Variants in CA10 observed in about 807,000 individuals in gnomAD.
CA10 encodes the protein carbonic anhydrase-related protein 10.
Under a neutral mutation model 44.2 loss-of-function variants are expected in CA10, and 14 were observed. The ratio of observed to expected loss-of-function variants is 0.32; its 90% CI spans 0.21 to 0.50. The LOEUF (loss-of-function observed/expected upper bound fraction) is 0.50. Ranked by LOEUF, CA10 falls within the 20% of genes least tolerant of loss-of-function variation. The pLI, the probability that CA10 is intolerant of heterozygous loss-of-function variation, is 0.99. For missense variants in CA10, 350 were observed against 409.7 expected, an observed-to-expected ratio of 0.85 and a Z score of 1.26; for synonymous variants, 159 against 141.6, an observed-to-expected ratio of 1.12 and a Z score of -0.87.
At chr17:51,708,479 C>G (rs1233810680) in intron 4 of CA10, among the ~76,000 whole-genome samples, 1 of 152,212 alleles carries the variant, frequency 6.6e-6, no homozygotes, top group Non-Finnish European at 1.5e-5. Context: ...AGAAAGTATA[C>G]TTTTCCCCAG....
At chr17:52,065,328 A>T (rs1050993606) in intron 2 of CA10, among the ~76,000 whole-genome samples, 1 of 152,182 alleles carries the variant, frequency 6.6e-6, no homozygotes, top group African/African-American at 2.4e-5. Context: ...TGTTACTATT[A>T]TTATTTTATA....
At chr17:51,652,091 A>G (rs1387652440) in intron 5 of CA10, among the ~76,000 whole-genome samples, 2 of 152,180 alleles carry the variant, frequency 1.3e-5, no homozygotes, top group East Asian at 1.9e-4. Flanking sequence ...TCCCAGCTCT[A>G]TTGGAGAGGC....
intron 2 of CA10, among the ~76,000 whole-genome samples, chr17:51,999,768 G>A (rs1290779357): frequency 1.3e-5 from 2 of 151,988 alleles, no homozygotes; most frequent in African/African-American, 4.8e-5. Context: ...CTTCACATCT[G>A]TCTTTTCTTC....
intron 6 of CA10, among the ~76,000 whole-genome samples, chr17:51,638,357 C>T (rs1567783979): frequency 6.6e-6 from 1 of 152,304 alleles, no homozygotes. Context: ...GGAGACCAAC[C>T]CTAGGAGGAA....
At chr17:51,759,491 ATATT>A (rs72059567) in intron 3 of CA10, among the ~76,000 whole-genome samples, 55,637 of 147,722 alleles carry the variant, frequency 0.38, 11,913 homozygotes, top group Middle Eastern at 0.51. Context: ...TATATTTAAT[ATATT>A]TATTTTTTTT....
chr17:51,717,473 CA>C (rs1220636166), intron 4 of CA10, among the ~76,000 whole-genome samples: 1 of 146,914 alleles, frequency 6.8e-6, no homozygotes, highest in Non-Finnish European at 1.5e-5. Context: ...TTCACAATCG[CA>C]AAATCGTGGA....
At chr17:51,820,199 A>G (rs117218526) in intron 3 of CA10, among the ~76,000 whole-genome samples, 21,896 of 55,940 alleles carry the variant, frequency 0.39, 2,224 homozygotes, top group East Asian at 0.47. Context: ...CCCCCCCCCC[A>G]GGTAATACCC....
intron 2 of CA10, among the ~76,000 whole-genome samples, chr17:52,059,808 T>G (rs184021904): frequency 1.3e-5 from 2 of 152,300 alleles, no homozygotes; most frequent in Non-Finnish European, 2.9e-5. Context: ...GCAAGTTTTA[T>G]TCTTAAGATA....
At chr17:52,057,598 G>A (rs1053460491) in intron 2 of CA10, among the ~76,000 whole-genome samples, 3 of 151,932 alleles carry the variant, frequency 2.0e-5, no homozygotes, top group East Asian at 1.9e-4. Context: ...GATTTTTGGC[G>A]GCATGGGGGT....
intron 3 of CA10, among the ~76,000 whole-genome samples, chr17:51,929,463 G>C (rs975511426): frequency 1.3e-5 from 2 of 151,948 alleles, no homozygotes; most frequent in Non-Finnish European, 2.9e-5. Context: ...GCCTCTCTTC[G>C]CTCCCTGTGT....
intron 3 of CA10, among the ~76,000 whole-genome samples, chr17:51,912,592 A>G (rs1427529579): frequency 6.6e-6 from 1 of 152,216 alleles, no homozygotes; most frequent in African/African-American, 2.4e-5. Flanking sequence ...AAACGTCCTA[A>G]GCCTTAAATT....
At chr17:52,113,048 C>G (rs775406357) in intron 1 of CA10, among the ~76,000 whole-genome samples, 99 of 152,176 alleles carry the variant, frequency 6.5e-4, no homozygotes, top group Non-Finnish European at 5.3e-4. Context: ...GCCTAACAAC[C>G]CTGGCAAAAC....
chr17:51,688,556 T>C (rs1208689366), intron 4 of CA10, among the ~76,000 whole-genome samples: 1 of 152,246 alleles, frequency 6.6e-6, no homozygotes, highest in Non-Finnish European at 1.5e-5. Context: ...TTAAGTGAGA[T>C]GATGTCTGTG....
chr17:51,986,732 C>A (rs529362938), intron 2 of CA10, among the ~76,000 whole-genome samples: 14 of 152,014 alleles, frequency 9.2e-5, no homozygotes, highest in Admixed American at 3.3e-4. Context: ...AGAAGATACA[C>A]AAATGGCCGA....
intron 4 of CA10, among the ~76,000 whole-genome samples, chr17:51,712,326 G>T (rs942239109): frequency 6.6e-6 from 1 of 152,322 alleles, no homozygotes; most frequent in Admixed American, 6.5e-5. Context: ...CATTAGTAAT[G>T]ATGCCTTGTA....
At chr17:51,944,337 C>T (rs1195038430) in intron 2 of CA10, among the ~76,000 whole-genome samples, 2 of 152,108 alleles carry the variant, frequency 1.3e-5, no homozygotes, top group Non-Finnish European at 2.9e-5. Flanking sequence ...CGGTATGTGG[C>T]CTCCAACAGG....
intron 2 of CA10, among the ~76,000 whole-genome samples, chr17:51,990,581 C>G (rs925391255): frequency 6.6e-5 from 10 of 152,204 alleles, no homozygotes; most frequent in African/African-American, 2.4e-4. Context: ...TTCTTGATAT[C>G]TAGGTGGTAA....
chr17:52,010,875 G>A (rs1439667447), intron 2 of CA10, among the ~76,000 whole-genome samples: 1 of 151,648 alleles, frequency 6.6e-6, no homozygotes, highest in East Asian at 1.9e-4. Flanking sequence ...ATCAGTAGAT[G>A]TATCATTAAG....
chr17:52,135,837 C>G (rs1989345606), intron 1 of CA10, among the ~76,000 whole-genome samples: 1 of 152,194 alleles, frequency 6.6e-6, no homozygotes. Context: ...AACCCCCACC[C>G]TAAGGCCCTC....
Sources: allele counts gnomAD v4.1 joint callset (sites outside exome capture counted in the v4.1 genomes callset), GRCh38; gene constraint gnomAD v4.1.1; transcripts MANE v1.5; gene names NCBI Gene and HGNC (gene_info 2026-07-23, HGNC 2026-07-21).